NAALADL2: variants seen among roughly 807,000 people sequenced by gnomAD.
NAALADL2 encodes the protein N-acetylated alpha-linked acidic dipeptidase like 2.
NAALADL2 carries 76 observed loss-of-function variants against 87.2 expected under a neutral mutation model. The observed-to-expected ratio is 0.87, with a 90% CI of 0.72 to 1.05. NAALADL2 has a LOEUF of 1.05. Ranked by LOEUF, NAALADL2 falls within the 50% of genes least tolerant of loss-of-function variation. NAALADL2 has a pLI of 0.00. For synonymous variants in NAALADL2, 354 were observed against 331.0 expected (o/e 1.07, Z -0.75); for missense variants, 1,089 against 945.8 (o/e 1.15, Z -1.99).
At chr3:175,053,333 C>T (rs1489050543) in intron 1 of NAALADL2, among the ~76,000 whole-genome samples, 1 of 152,178 alleles carries the variant, frequency 6.6e-6, no homozygotes, top group Non-Finnish European at 1.5e-5. Flanking sequence ...TTAAATTCCT[C>T]ATTGTGAATT....
chr3:174,837,261 AAAGAG>A (rs746688699), intron 3 of NAALADL2, among the ~76,000 whole-genome samples: 11 of 152,220 alleles, frequency 7.2e-5, no homozygotes, highest in Non-Finnish European at 1.2e-4. Flanking sequence ...TTAACCAAGA[AAAGAG>A]AAGAGAAAAT....
chr3:175,254,656 G>C (rs1749617773), intron 3 of NAALADL2, among the ~76,000 whole-genome samples: 1 of 152,126 alleles, frequency 6.6e-6, no homozygotes, highest in African/African-American at 2.4e-5. Flanking sequence ...TAATTAGTAG[G>C]TAGCTTAGAA....
intron 1 of NAALADL2, among the ~76,000 whole-genome samples, chr3:175,085,921 G>T (rs1049905849): frequency 5.9e-5 from 9 of 152,096 alleles, no homozygotes; most frequent in African/African-American, 2.2e-4. Flanking sequence ...CATCTCAGAA[G>T]ATATAGATAT....
At chr3:175,117,387 A>G (rs67664074) in intron 2 of NAALADL2, among the ~76,000 whole-genome samples, 91,812 of 151,892 alleles carry the variant, frequency 0.6, 28,253 homozygotes, top group African/African-American at 0.73. Flanking sequence ...AATATCCAGA[A>G]TCTAGAAAGA....
At chr3:174,809,078 G>A (rs973839821) in intron 3 of NAALADL2, among the ~76,000 whole-genome samples, 11 of 152,050 alleles carry the variant, frequency 7.2e-5, no homozygotes, top group African/African-American at 2.7e-4. Flanking sequence ...ATTAGTACCA[G>A]AAATTCTGAA....
intron 4 of NAALADL2, among the ~76,000 whole-genome samples, chr3:175,307,419 G>A (rs1238421598): frequency 3.3e-5 from 5 of 152,010 alleles, no homozygotes; most frequent in African/African-American, 4.8e-5. Context: ...GTAAGTATAC[G>A]TATAGAAATT....
chr3:174,505,113 A>G (rs2091289248), intron 1 of NAALADL2, among the ~76,000 whole-genome samples: 3 of 152,166 alleles, frequency 2.0e-5, no homozygotes, highest in South Asian at 2.1e-4. Flanking sequence ...TCTTCAGCTG[A>G]TAAGTTGTCT....
chr3:174,652,200 A>C (rs1724432679), intron 2 of NAALADL2, among the ~76,000 whole-genome samples: 1 of 152,162 alleles, frequency 6.6e-6, no homozygotes, highest in South Asian at 2.1e-4. Context: ...CCTCTGAATA[A>C]AGTGATAGAT....
At chr3:174,608,540 C>G (rs866771110) in intron 2 of NAALADL2, among the ~76,000 whole-genome samples, 1 of 151,434 alleles carries the variant, frequency 6.6e-6, no homozygotes, top group Admixed American at 6.6e-5. Flanking sequence ...AACACCTCTA[C>G]GCAAATAAAC....
upstream of NAALADL2, among the ~76,000 whole-genome samples, chr3:174,855,340 T>A (rs1725730229): frequency 6.6e-6 from 1 of 152,176 alleles, no homozygotes; most frequent in African/African-American, 2.4e-5. Context: ...CTGTGTTTAT[T>A]CAGTCCACCA....
intron 2 of NAALADL2, among the ~76,000 whole-genome samples, chr3:174,726,516 G>A (rs1732200781): frequency 6.6e-6 from 1 of 151,848 alleles, no homozygotes; most frequent in African/African-American, 2.4e-5. Flanking sequence ...ACTTTTTGAT[G>A]CTCCTTTAAA....
chr3:175,470,365 C>CA (rs903036782), intron 8 of NAALADL2, among the ~76,000 whole-genome samples: 11 of 151,858 alleles, frequency 7.2e-5, no homozygotes, highest in African/African-American at 2.4e-4. Flanking sequence ...GTTCTCATCA[C>CA]AAAAAATGTA....
At chr3:175,242,881 A>G (rs28660080) in intron 3 of NAALADL2, among the ~76,000 whole-genome samples, 1 of 152,202 alleles carries the variant, frequency 6.6e-6, no homozygotes, top group Non-Finnish European at 1.5e-5. Context: ...TTATTTAAAT[A>G]TCTAAGCTCT....
At chr3:175,487,554 A>T in intron 9 of NAALADL2, 1 of 456,666 alleles carries the variant, frequency 2.2e-6, no homozygotes, top group Non-Finnish European at 4.4e-6. Context: ...TTTGATGATT[A>T]GTCCTCAGTA....
intron 1 of NAALADL2, among the ~76,000 whole-genome samples, chr3:174,956,668 G>A (rs1018677774): frequency 5.3e-5 from 8 of 152,002 alleles, no homozygotes; most frequent in African/African-American, 1.9e-4. Context: ...TCTCTTGGAG[G>A]ATCTAAAAAC....
intron 3 of NAALADL2, among the ~76,000 whole-genome samples, chr3:174,739,986 C>T (rs74709770): frequency 0.022 from 3,300 of 151,816 alleles, 39 homozygotes; most frequent in Middle Eastern, 0.051. Context: ...CTAGTGATGC[C>T]GACTTGTATC....
chr3:175,011,169 A>G (rs562642797), intron 1 of NAALADL2, among the ~76,000 whole-genome samples: 1 of 152,024 alleles, frequency 6.6e-6, no homozygotes, highest in South Asian at 2.1e-4. Flanking sequence ...ACATAGCTCT[A>G]TTCTCTTGGC....
Position 174,994,786 on chromosome 3 carries a change from G to A in NAALADL2, c.44-102004G>A, listed in dbSNP as rs367854714. 3.9e-4 allele frequency among the ~76,000 whole-genome samples: 59 copies of A among 152,190 alleles called. 2 individuals are homozygous for A. In the South Asian group the frequency reaches 0.012, roughly 31 times the overall value. Reference sequence around the variant, plus strand: ...GAAATTCTCAAATTTTTAATTTAGAGGTAGACATTATTTTTAATATATTTT... The same window carrying A: ...GAAATTCTCAAATTTTTAATTTAGAAGTAGACATTATTTTTAATATATTTT... On this transcript the variant is annotated intron_variant, in intron 1 of 13. Coordinates refer to ENST00000454872, the MANE Select transcript of NAALADL2 (RefSeq NM_207015.3).
intron 2 of NAALADL2, among the ~76,000 whole-genome samples, chr3:175,113,493 T>C (rs965513002): frequency 6.6e-6 from 1 of 151,590 alleles, no homozygotes; most frequent in Non-Finnish European, 1.5e-5. Context: ...ATTCTATCAA[T>C]GTCTTTGAAA....
Sources: allele counts gnomAD v4.1 joint callset (sites outside exome capture counted in the v4.1 genomes callset), GRCh38; gene constraint gnomAD v4.1.1; transcripts MANE v1.5; gene names NCBI Gene and HGNC (gene_info 2026-07-23, HGNC 2026-07-21).